CDKN2B-AS1: variants seen among roughly 807,000 people sequenced by gnomAD.
CDKN2B-AS1 encodes CDKN2B antisense RNA 1 (non-protein coding).
chr9:22,035,754 A>G lies in CDKN2B-AS1; in HGVS notation n.30-10997A>G, dbSNP rs190703265. Reference sequence around the variant, plus strand: ...CTGGCTTTCTTTCTGTGGTGTTTCCAGAGATAAGTTTGCCTGATAGAAGTC... The same window carrying G: ...CTGGCTTTCTTTCTGTGGTGTTTCCGGAGATAAGTTTGCCTGATAGAAGTC... On this transcript the variant is annotated intron_variant and non_coding_transcript_variant, in intron 1 of 4. Transcript: ENST00000650946. Among the ~76,000 whole-genome samples the G allele has an allele frequency of 2.1e-3, 326 of 152,280 alleles. 2 individuals are homozygous for G. The highest frequency in any genetic ancestry group is 3.4e-3 in the Non-Finnish European group (232 of 68,010).
chr9:22,125,718 T>C lies in CDKN2B-AS1; in HGVS notation n.439-1385T>C, dbSNP rs187243869. Among the ~76,000 whole-genome samples, 20 of 152,320 alleles carry C rather than the reference T, an allele frequency of 1.3e-4. No homozygotes were observed. The East Asian group carries it at 3.7e-3, about 28-fold the overall frequency. On this transcript the variant is annotated intron_variant and non_coding_transcript_variant, in intron 4 of 4. Coordinates refer to ENST00000650946, the Ensembl canonical transcript of CDKN2B-AS1. Reference sequence around the variant, plus strand: ...TTTTACAGCTATGCTCACAAATATATACAAACATGTATGCACAATTATGTT... The same window carrying C: ...TTTTACAGCTATGCTCACAAATATACACAAACATGTATGCACAATTATGTT...
At chr9:22,113,891 A>G (rs576155573) in intron 4 of CDKN2B-AS1, 1 of 152,312 alleles carries the variant, frequency 6.6e-6, no homozygotes, top group African/African-American at 2.4e-5. Context: ...ACTTTTTCTA[A>G]TTATGCAAGA....
intron 1 of CDKN2B-AS1, among the ~76,000 whole-genome samples, chr9:22,033,945 G>C (rs1822581412): frequency 6.6e-6 from 1 of 152,182 alleles, no homozygotes; most frequent in Non-Finnish European, 1.5e-5. Context: ...ACTTGCTTAA[G>C]ATTATACAAG....
At chr9:22,012,108 GC>G in intron 1 of CDKN2B-AS1, 2 of 805,748 alleles carry the variant, frequency 2.5e-6, no homozygotes, top group African/African-American at 1.7e-5. Context: ...GAACAGATCT[GC>G]CATCCTCTTT....
chr9:22,086,852 G>C (rs1298660332), intron 4 of CDKN2B-AS1, among the ~76,000 whole-genome samples: 1 of 152,122 alleles, frequency 6.6e-6, no homozygotes, highest in Non-Finnish European at 1.5e-5. Flanking sequence ...ATATGGCCCA[G>C]ATTTGTATTA....
At chr9:22,010,774 T>C (rs1463402054) in intron 1 of CDKN2B-AS1, among the ~76,000 whole-genome samples, 1 of 152,238 alleles carries the variant, frequency 6.6e-6, no homozygotes, top group Non-Finnish European at 1.5e-5. Context: ...CTCTACCTTT[T>C]ACTCTTATGC....
intron 4 of CDKN2B-AS1, among the ~76,000 whole-genome samples, chr9:22,081,228 C>T (rs910258128): frequency 3.3e-5 from 5 of 150,430 alleles, no homozygotes; most frequent in African/African-American, 4.9e-5. Context: ...GGGTTGTGCC[C>T]CAAGTTACTT....
chr9:22,108,634 G>A (rs568517471), intron 4 of CDKN2B-AS1, among the ~76,000 whole-genome samples: 2 of 152,284 alleles, frequency 1.3e-5, no homozygotes, highest in African/African-American at 4.8e-5. Flanking sequence ...AATACTTGGT[G>A]TACAACTCAT....
intron 4 of CDKN2B-AS1, among the ~76,000 whole-genome samples, chr9:22,075,904 T>C (rs965470792): frequency 5.3e-5 from 8 of 152,154 alleles, no homozygotes; most frequent in Admixed American, 3.9e-4. Context: ...GGGGCTCTGC[T>C]CAAATCTTTG....
chr9:22,085,759 C>T (rs1276145134), intron 4 of CDKN2B-AS1, among the ~76,000 whole-genome samples: 1 of 150,742 alleles, frequency 6.6e-6, no homozygotes, highest in Non-Finnish European at 1.5e-5. Flanking sequence ...CTTTATATCT[C>T]AGGGTATCTT....
At chr9:22,088,454 C>T (rs1824941284) in intron 4 of CDKN2B-AS1, among the ~76,000 whole-genome samples, 1 of 152,172 alleles carries the variant, frequency 6.6e-6, no homozygotes, top group East Asian at 1.9e-4. Flanking sequence ...CACACACACA[C>T]ACACACACAC....
At chr9:22,105,908 GT>G (rs1825641912) in intron 4 of CDKN2B-AS1, among the ~76,000 whole-genome samples, 1 of 152,118 alleles carries the variant, frequency 6.6e-6, no homozygotes, top group African/African-American at 2.4e-5. Context: ...TTTGACTCTT[GT>G]TTTTTGAGAT....
intron 4 of CDKN2B-AS1, among the ~76,000 whole-genome samples, chr9:22,102,029 T>G (rs1335257612): frequency 6.6e-6 from 1 of 152,186 alleles, no homozygotes; most frequent in African/African-American, 2.4e-5. Context: ...CACATTTTGT[T>G]GTGCCCACAG....
intron 4 of CDKN2B-AS1, among the ~76,000 whole-genome samples, chr9:22,060,371 CTT>C (rs1471983261): frequency 4.6e-5 from 7 of 152,332 alleles, no homozygotes; most frequent in Admixed American, 1.3e-4. Flanking sequence ...CCACCAGTCT[CTT>C]TGCTAAAACC....
chr9:22,090,444 G>A (rs201537280), intron 4 of CDKN2B-AS1, among the ~76,000 whole-genome samples: 13 of 152,104 alleles, frequency 8.5e-5, no homozygotes, highest in African/African-American at 1.4e-4. Flanking sequence ...AGTCCCACCA[G>A]CAGTGTAAAA....
At chr9:22,010,574 A>C (rs1444157414) in intron 1 of CDKN2B-AS1, among the ~76,000 whole-genome samples, 1 of 152,196 alleles carries the variant, frequency 6.6e-6, no homozygotes, top group African/African-American at 2.4e-5. Context: ...GAATTAAAAA[A>C]AGCTCTTTCT....
chr9:21,996,282 C>T lies in CDKN2B-AS1; in HGVS notation n.29+1121C>T, dbSNP rs530822537. ...GAAAAAGTGAGATTTAGCGATCACT[C>T]TTACGTAGCCACTCTAAATATCTAT... On this transcript the variant is annotated intron_variant and non_coding_transcript_variant, in intron 1 of 4. Transcript: ENST00000650946. This position sits in a 1 kb window ranked among gnomAD's most constrained non-coding sequence, Gnocchi z 5.4. 2.6e-5 allele frequency among the ~76,000 whole-genome samples: 4 copies of T among 152,302 alleles called. No individual in the cohort carries two copies. The highest frequency in any genetic ancestry group is 3.9e-4 in the East Asian group (2 of 5,174).
intron 1 of CDKN2B-AS1, chr9:22,012,381 G>A (rs1415353740): frequency 6.6e-6 from 6 of 906,166 alleles, no homozygotes; most frequent in Non-Finnish European, 9.2e-6. Flanking sequence ...CTGCGAGGTG[G>A]CATTATTGAG....
chr9:22,018,719 C>G lies in CDKN2B-AS1; in HGVS notation n.29+23558C>G, dbSNP rs76219447. ...AGAGCGCCAACATGTTTATATCCTC[C>G]TATTTCAATCTACTTTTACTTCATC... On this transcript the variant is annotated intron_variant and non_coding_transcript_variant, in intron 1 of 4. Coordinates refer to ENST00000650946, the Ensembl canonical transcript of CDKN2B-AS1. 9.1e-3 allele frequency among the ~76,000 whole-genome samples: 1,382 copies of G among 152,300 alleles called. 113 individuals are homozygous for G. In the East Asian group the frequency reaches 0.2, roughly 21 times the overall value.
Sources: allele counts gnomAD v4.1 joint callset (sites outside exome capture counted in the v4.1 genomes callset), GRCh38; gene constraint gnomAD v4.1.1; non-coding constraint Gnocchi (gnomAD v3.1); transcripts MANE v1.5; gene names NCBI Gene and HGNC (gene_info 2026-07-23, HGNC 2026-07-21).